SNX29: variants seen among roughly 807,000 people sequenced by gnomAD.
SNX29 encodes the protein sorting nexin-29.
A neutral mutation model predicts 102.1 loss-of-function variants in SNX29; 78 were observed. The observed-to-expected ratio is 0.76, with a 90% CI of 0.64 to 0.92. The LOEUF (loss-of-function observed/expected upper bound fraction) is 0.92. Among genes scored for constraint, SNX29 ranks in the 40% least tolerant of loss-of-function variants. SNX29 has a pLI of 0.00. For synonymous variants in SNX29, 580 were observed against 414.5 expected, an observed-to-expected ratio of 1.40 and a Z score of -4.85; for missense variants, 1,280 against 1,061.7, an observed-to-expected ratio of 1.21 and a Z score of -2.86.
At chr16:11,991,708 A>C (rs1203674905) in intron 1 of SNX29, among the ~76,000 whole-genome samples, 10 of 118,526 alleles carry the variant, frequency 8.4e-5, no homozygotes, top group African/African-American at 3.4e-4. Flanking sequence ...ACCTGAGGCT[A>C]ATCTTTTTTT....
At chr16:12,248,168 C>T (rs1303761937) in intron 14 of SNX29, among the ~76,000 whole-genome samples, 1 of 152,156 alleles carries the variant, frequency 6.6e-6, no homozygotes, top group African/African-American at 2.4e-5. Context: ...CTGAGGGAAC[C>T]CTTTAAGGCT....
At chr16:12,450,810 T>C (rs1423607275) in intron 18 of SNX29, among the ~76,000 whole-genome samples, 1 of 151,792 alleles carries the variant, frequency 6.6e-6, no homozygotes, top group Non-Finnish European at 1.5e-5. Flanking sequence ...GAACCTAGGG[T>C]CGATCAGGGA....
chr16:12,458,733 G>C (rs1055165668), intron 18 of SNX29, among the ~76,000 whole-genome samples: 1 of 152,098 alleles, frequency 6.6e-6, no homozygotes, highest in Non-Finnish European at 1.5e-5. Flanking sequence ...GGTAGCCTTT[G>C]GAGTGTGTCG....
rs192467062 is a variant in SNX29 at position 12,111,239 on chromosome 16, C to T, written c.1403-15394C>T. 4.0e-3 allele frequency among the ~76,000 whole-genome samples: 607 copies of T among 152,274 alleles called. 12 individuals carry two copies. The highest frequency in any genetic ancestry group is 2.0e-3 in the Non-Finnish European group (133 of 68,012). ...GACAGGTGCATGCACACACCTGTAC[C>T]CTTCCACCCCTGCACCAGTCAGCTC... On this transcript the variant is annotated intron_variant, in intron 11 of 20. Transcript: ENST00000566228.
At chr16:12,558,681 G>T (rs375300880) in intron 20 of SNX29, among the ~76,000 whole-genome samples, 27 of 152,182 alleles carry the variant, frequency 1.8e-4, no homozygotes, top group Non-Finnish European at 2.2e-4. Context: ...CCTTGTGGCT[G>T]GGATTTGAAT....
intron 15 of SNX29, among the ~76,000 whole-genome samples, chr16:12,298,391 G>T (rs939134332): frequency 6.6e-6 from 1 of 152,042 alleles, no homozygotes; most frequent in Non-Finnish European, 1.5e-5. Context: ...CTTCTTCAAG[G>T]TTTCATACTT....
At chr16:11,998,235 C>T (rs2056161044) in intron 1 of SNX29, among the ~76,000 whole-genome samples, 1 of 152,152 alleles carries the variant, frequency 6.6e-6, no homozygotes, top group South Asian at 2.1e-4. Flanking sequence ...ATTTCAGTAT[C>T]CTTTGAAGTG....
chr16:12,123,476 TACATC>T (rs1367427300), intron 11 of SNX29, among the ~76,000 whole-genome samples: 19 of 152,182 alleles, frequency 1.2e-4, no homozygotes, highest in Admixed American at 1.2e-3. Context: ...CATATACATA[TACATC>T]ATATACATAT....
chr16:12,234,645 C>T (rs2077869882), intron 14 of SNX29, among the ~76,000 whole-genome samples: 1 of 152,112 alleles, frequency 6.6e-6, no homozygotes. Context: ...AGCAGTGTTT[C>T]TGTTAATTTT....
chr16:12,433,825 A>G lies in SNX29; in HGVS notation c.2037+30296A>G, dbSNP rs141921698. Among the ~76,000 whole-genome samples the G allele has an allele frequency of 1.8e-3, 272 of 152,078 alleles. 2 individuals carry two copies. The highest frequency in any genetic ancestry group is 5.6e-3 in the African/African-American group (233 of 41,374). On this transcript the variant is annotated intron_variant, in intron 18 of 20. Transcript: ENST00000566228. ...GGCGACAGAGTGAGACCATGTCTCA[A>G]AACAAAACAAAAACCCAGAAAACTA...
intron 3 of SNX29, among the ~76,000 whole-genome samples, chr16:12,024,552 T>C (rs1011748390): frequency 3.3e-5 from 5 of 152,170 alleles, no homozygotes; most frequent in African/African-American, 1.2e-4. Context: ...GAGGAAGGCA[T>C]CATAGTGATC....
chr16:12,072,292 T>C (rs2051336907), intron 10 of SNX29, among the ~76,000 whole-genome samples: 2 of 152,220 alleles, frequency 1.3e-5, no homozygotes, highest in South Asian at 4.1e-4. Context: ...CAGTATGATA[T>C]TGGCTGTGGG....
intron 18 of SNX29, among the ~76,000 whole-genome samples, chr16:12,431,228 T>C (rs1488083869): frequency 6.6e-6 from 1 of 151,872 alleles, no homozygotes; most frequent in African/African-American, 2.4e-5. Flanking sequence ...CAAGACGAGA[T>C]GTCTGGGCAA....
chr16:12,013,499 AAATATATAT>A (rs1198643069), intron 3 of SNX29, among the ~76,000 whole-genome samples: 44 of 68,998 alleles, frequency 6.4e-4, no homozygotes, highest in African/African-American at 2.7e-3. Context: ...AAAAAAAAAA[AAATATATAT>A]ATATATATAT....
At chr16:12,047,186 T>C (rs918793081) in intron 6 of SNX29, among the ~76,000 whole-genome samples, 1 of 152,124 alleles carries the variant, frequency 6.6e-6, no homozygotes, top group Non-Finnish European at 1.5e-5. Context: ...TCATGTGAGA[T>C]CAGGAGTCGC....
At chr16:12,441,542 T>G (rs1352752341) in intron 18 of SNX29, among the ~76,000 whole-genome samples, 1 of 152,242 alleles carries the variant, frequency 6.6e-6, no homozygotes, top group African/African-American at 2.4e-5. Context: ...AGTCTCTGTG[T>G]GAACGTTTGT....
chr16:12,200,773 C>G (rs1433588099), intron 14 of SNX29, among the ~76,000 whole-genome samples: 1 of 152,232 alleles, frequency 6.6e-6, no homozygotes, highest in Non-Finnish European at 1.5e-5. Flanking sequence ...GCATGAGCCA[C>G]CGCTCCCAGC....
chr16:12,202,936 CT>C (rs2076948686), intron 14 of SNX29, among the ~76,000 whole-genome samples: 1 of 152,226 alleles, frequency 6.6e-6, no homozygotes, highest in Non-Finnish European at 1.5e-5. Context: ...GTCAGGTGGA[CT>C]GGTGGCGTGG....
chr16:12,041,270 C>G (rs989424776), intron 4 of SNX29, among the ~76,000 whole-genome samples: 10 of 152,128 alleles, frequency 6.6e-5, no homozygotes, highest in African/African-American at 2.4e-4. Context: ...TGCCACCATG[C>G]CTGGCTCATT....
Sources: gnomAD v4.1 joint callset for allele counts (sites outside exome capture counted in the v4.1 genomes callset) on GRCh38, gnomAD v4.1.1 for gene constraint, MANE v1.5 for transcripts, NCBI Gene and HGNC (gene_info 2026-07-23, HGNC 2026-07-21) for gene names.